Variants in GPC3 observed in about 807,000 individuals in gnomAD.
GPC3 encodes the protein glypican-3.
A neutral mutation model predicts 34.4 loss-of-function variants in GPC3; 3 were observed. That is an observed-to-expected ratio of 0.09 (90% confidence interval 0.04 to 0.23). The LOEUF (loss-of-function observed/expected upper bound fraction) is 0.23. Among genes scored for constraint, GPC3 ranks in the 10% least tolerant of loss-of-function variants. The pLI, the probability that GPC3 is intolerant of heterozygous loss-of-function variation, is 1.00. For synonymous variants in GPC3, 177 were observed against 174.0 expected, an observed-to-expected ratio of 1.02 and a Z score of -0.13; for missense variants, 351 against 445.6, an observed-to-expected ratio of 0.79 and a Z score of 1.91.
Position 133,690,777 on chromosome X carries a change from G to T in GPC3, c.1292+1592C>A, listed in dbSNP as rs2071053956. Among the ~76,000 whole-genome samples, 9 of 111,593 alleles carry T rather than the reference G, an allele frequency of 8.1e-5. No homozygotes were observed. The Admixed American group carries it at 8.6e-4, about 11-fold the overall frequency. On this transcript the variant is annotated intron_variant, in intron 5 of 7. Transcript: ENST00000370818. The stretch of plus-strand genomic sequence containing the variant: ...CCAACCACCTCCTTTTTTAGATGGG[G>T]GAAACCAAGGCCTAGAGAGATTAAG...
In GPC3 at chrX:133,536,160, G is replaced by A. The variant is rs769273303; in HGVS notation, c.1707C>T (p.Ala569=). ...HSPLKLLTSM[A]ISVVCFFFLV... is the part of the protein sequence containing the mutation. Reference sequence around the variant, plus strand: ...GGAAGAAGAAGCACACCACCGAGATGGCCATGCTGGTGAGAAGCTTCAGCG... The same window carrying A: ...GGAAGAAGAAGCACACCACCGAGATAGCCATGCTGGTGAGAAGCTTCAGCG... The change falls in exon 8 of 8, where the codon GCC becomes GCT. Residue 569 remains alanine (A), a synonymous_variant. Coordinates refer to ENST00000370818, the MANE Select transcript of GPC3 (RefSeq NM_004484.4). The A allele has an allele frequency of 8.3e-7, 1 of 1,207,216 alleles. No homozygotes were observed. The highest frequency in any genetic ancestry group is 1.8e-5 in the South Asian group (1 of 56,792).
intron 2 of GPC3, among the ~76,000 whole-genome samples, chrX:133,782,739 C>T (rs2072061012): frequency 9.0e-6 from 1 of 111,560 alleles, no homozygotes; most frequent in Admixed American, 9.5e-5. Flanking sequence ...ATCAGATTAC[C>T]TATGTCTCTA....
At chrX:133,644,450 T>G in intron 6 of GPC3, among the ~76,000 whole-genome samples, 1 of 112,149 alleles carries the variant, frequency 8.9e-6, no homozygotes, top group African/African-American at 3.2e-5. Context: ...CAGTGGATAT[T>G]ATTAATCAGA....
intron 2 of GPC3, among the ~76,000 whole-genome samples, chrX:133,896,835 C>T (rs1319376975): frequency 9.1e-6 from 1 of 110,453 alleles, no homozygotes; most frequent in African/African-American, 3.3e-5. Context: ...ATAGAGAACA[C>T]CTAGTACCTA....
chrX:133,887,850 C>A (rs1569450462), intron 2 of GPC3, among the ~76,000 whole-genome samples: 1 of 110,532 alleles, frequency 9.0e-6, no homozygotes, highest in Non-Finnish European at 1.9e-5. Context: ...GTTTTTGTTG[C>A]CTGAGTTTTT....
intron 5 of GPC3, among the ~76,000 whole-genome samples, chrX:133,686,997 C>A (rs1261019834): frequency 3.7e-5 from 4 of 108,939 alleles, no homozygotes; most frequent in African/African-American, 1.0e-4. Context: ...GCGATCTCGG[C>A]TCACTGCAAG....
At chrX:133,796,268 C>T (rs979502396) in intron 2 of GPC3, among the ~76,000 whole-genome samples, 1 of 112,089 alleles carries the variant, frequency 8.9e-6, no homozygotes, top group Non-Finnish European at 1.9e-5. Flanking sequence ...CAACACACAT[C>T]AACGAAATTT....
At chrX:133,849,525 A>G (rs1450758971) in intron 2 of GPC3, among the ~76,000 whole-genome samples, 3 of 111,577 alleles carry the variant, frequency 2.7e-5, no homozygotes, top group African/African-American at 9.8e-5. Context: ...TTTCTATTTC[A>G]TCAGCCTCCT....
chrX:133,806,519 T>C (rs1020722373), intron 2 of GPC3, among the ~76,000 whole-genome samples: 16 of 112,221 alleles, frequency 1.4e-4, no homozygotes, highest in Non-Finnish European at 2.8e-4. Flanking sequence ...TCCTGATCTA[T>C]GCTTTTGTTT....
At chrX:133,900,515 G>A (rs1474027470) in intron 2 of GPC3, among the ~76,000 whole-genome samples, 1 of 111,382 alleles carries the variant, frequency 9.0e-6, no homozygotes, top group Non-Finnish European at 1.9e-5. Context: ...CCATGTGGAA[G>A]ATCTGAGGAT....
Position 133,536,026 on chromosome X carries a change from CAA to C in GPC3, c.*96_*97del, listed in dbSNP as rs373139333. ...TGGCTGGAGGAGGTATACAGGATAA[CAA>C]AAAAAAAAAAATAGAAAAAAATAAG... On this transcript the variant is annotated 3_prime_UTR_variant, in exon 8 of 8. Transcript: ENST00000370818. 9.0e-4 allele frequency: 487 copies of C among 541,900 alleles called. No homozygotes were observed. Among genetic ancestry groups the C allele is most frequent in the Middle Eastern group, 1.8e-3 (3 of 1,709 alleles). 44.7% of individuals were successfully genotyped at this position (541,900 alleles called of 1,213,427 possible).
intron 3 of GPC3, among the ~76,000 whole-genome samples, chrX:133,743,890 C>T (rs2071586943): frequency 8.9e-6 from 1 of 111,738 alleles, no homozygotes; most frequent in Non-Finnish European, 1.9e-5. Flanking sequence ...TTTGACAAAC[C>T]TGACAACAAC....
At chrX:133,661,469 A>AAG (rs1488440779) in intron 6 of GPC3, among the ~76,000 whole-genome samples, 1 of 110,731 alleles carries the variant, frequency 9.0e-6, no homozygotes, top group Middle Eastern at 4.3e-3. Context: ...ATAAGGCCAG[A>AAG]AGTCCTTTCT....
At chrX:133,705,779 T>A (rs1288768456) in intron 3 of GPC3, among the ~76,000 whole-genome samples, 1 of 112,344 alleles carries the variant, frequency 8.9e-6, no homozygotes, top group African/African-American at 3.2e-5. Context: ...AAGAAATGGC[T>A]AAAGTTGTTC....
At chrX:133,871,217 T>C (rs1470317677) in intron 2 of GPC3, among the ~76,000 whole-genome samples, 1 of 111,675 alleles carries the variant, frequency 9.0e-6, no homozygotes, top group Non-Finnish European at 1.9e-5. Context: ...ACAATCCTTA[T>C]TGCTTCAACC....
At chrX:133,897,142 A>C (rs113927820) in intron 2 of GPC3, among the ~76,000 whole-genome samples, 2 of 106,369 alleles carry the variant, frequency 1.9e-5, no homozygotes, top group Non-Finnish European at 3.8e-5. Context: ...TCCGGACCTC[A>C]TGATCCGCCC....
chrX:133,615,428 ATATAT>A (rs1398492823), intron 6 of GPC3, among the ~76,000 whole-genome samples: 1 of 111,529 alleles, frequency 9.0e-6, no homozygotes, highest in Non-Finnish European at 1.9e-5. Context: ...ATTCATAGAA[ATATAT>A]TATATAAATC....
chrX:133,897,199 C>T (rs1166794002), intron 2 of GPC3, among the ~76,000 whole-genome samples: 5 of 102,357 alleles, frequency 4.9e-5, no homozygotes, highest in Non-Finnish European at 9.8e-5. Context: ...AGCTACCGTG[C>T]CCGGCCTTTT....
At chrX:133,773,489 A>C in intron 2 of GPC3, among the ~76,000 whole-genome samples, 1 of 112,154 alleles carries the variant, frequency 8.9e-6, no homozygotes, top group Admixed American at 9.5e-5. Flanking sequence ...AAGAAAGAAA[A>C]GCATTTTAGG....
Sources: allele counts gnomAD v4.1 joint callset (sites outside exome capture counted in the v4.1 genomes callset), GRCh38; gene constraint gnomAD v4.1.1; transcripts MANE v1.5; gene names NCBI Gene and HGNC (gene_info 2026-07-23, HGNC 2026-07-21).